Variants in CD5 observed in about 807,000 individuals in gnomAD.
CD5 encodes CD5 molecule.
A neutral mutation model predicts 60.3 loss-of-function variants in CD5; 36 were observed. That is an observed-to-expected ratio of 0.60 (90% CI 0.46 to 0.79). CD5 has a LOEUF of 0.79. Among genes scored for constraint, CD5 ranks in the 30% least tolerant of loss-of-function variants. The probability of loss-of-function intolerance (pLI) is 0.00; values close to 1 mark genes in which losing one functional copy is unlikely to be tolerated. For missense variants in CD5, 540 were observed against 630.6 expected (o/e 0.86, Z 1.54); for synonymous variants, 230 against 257.6 (o/e 0.89, Z 1.03).
intron 1 of CD5, among the ~76,000 whole-genome samples, chr11:61,106,762 G>C (rs942408787): frequency 6.6e-6 from 1 of 152,142 alleles, no homozygotes; most frequent in Non-Finnish European, 1.5e-5. Flanking sequence ...GGGAGCTTTG[G>C]AGCAATGCAG....
At chr11:61,121,983 A>C in intron 6 of CD5, 79 bp downstream of exon 6, 2 of 1,293,110 alleles carry the variant, frequency 1.5e-6, no homozygotes, top group Non-Finnish European at 2.1e-6. Flanking sequence ...CATGTCTCTA[A>C]AGGGAAGCCC....
At position 61,113,051 on chromosome 11, in the gene CD5, G is replaced by A. The variant is rs1409896191; in HGVS notation, c.56-2005G>A. ...AGCCTGCTGAGTAGCTGGGACTACG[G>A]CCTTGAGCCATTGGCCCAGCTAAAC... On this transcript the variant is annotated intron_variant, in intron 1 of 10. Coordinates refer to ENST00000347785, the MANE Select transcript of CD5 (RefSeq NM_014207.4). Among the ~76,000 whole-genome samples the A allele has an allele frequency of 5.3e-5, 8 of 152,324 alleles. No homozygotes were observed. The East Asian group carries it at 1.5e-3, about 29-fold the overall frequency.
At chr11:61,120,506 G>C (rs1861042214) in intron 5 of CD5, among the ~76,000 whole-genome samples, 1 of 152,174 alleles carries the variant, frequency 6.6e-6, no homozygotes, top group Non-Finnish European at 1.5e-5. Context: ...TGGGATTTCT[G>C]TTCAAGCAGG....
At chr11:61,095,669 C>T in the CD5 span, among the ~76,000 whole-genome samples, 3,321 of 152,028 alleles carry the variant, frequency 0.022, 46 homozygotes, top group Non-Finnish European at 0.036. Flanking sequence ...AGGACCTGAA[C>T]GAGGGACCAG....
intron 1 of CD5, among the ~76,000 whole-genome samples, chr11:61,111,531 C>T (rs1399828561): frequency 6.6e-6 from 1 of 152,190 alleles, no homozygotes; most frequent in African/African-American, 2.4e-5. Context: ...AATAGAGATG[C>T]TCCTTGACCT....
Position 61,115,783 on chromosome 11 carries a change from G to C in CD5, c.94+689G>C, listed in dbSNP as rs756144547. Among the ~76,000 whole-genome samples the C allele has an allele frequency of 5.9e-5, 9 of 152,322 alleles. No homozygotes were observed. The Middle Eastern group carries it at 0.014, about 230-fold the overall frequency. ...GGGAGAATTGTGGCTGAAGGGTCTT[G>C]AGATGCCACTGTGCAGCCAGAGGGG... On this transcript the variant is annotated intron_variant, in intron 2 of 10. Coordinates refer to ENST00000347785, the MANE Select transcript of CD5 (RefSeq NM_014207.4).
upstream of CD5, among the ~76,000 whole-genome samples, chr11:61,100,897 TCACA>T: frequency 9.3e-6 from 1 of 107,750 alleles, no homozygotes; most frequent in Non-Finnish European, 1.9e-5. Context: ...AACATGGAGA[TCACA>T]CACACATCAA....
intron 4 of CD5, 67 bp from the exon 5 acceptor site, chr11:61,119,167 A>C (rs1861012255): frequency 6.9e-7 from 1 of 1,442,582 alleles, no homozygotes; most frequent in African/African-American, 1.4e-5. Context: ...GGGGCCAAAC[A>C]GCAAGGAGTG....
upstream of CD5, chr11:61,102,480 T>C: frequency 6.8e-6 from 4 of 588,434 alleles, no homozygotes; most frequent in Admixed American, 2.7e-5. Flanking sequence ...CCTCTCCCTC[T>C]CTGAGAGCGA....
intron 2 of CD5, among the ~76,000 whole-genome samples, chr11:61,115,998 A>G (rs1379998911): frequency 1.3e-5 from 2 of 152,138 alleles, no homozygotes; most frequent in East Asian, 3.9e-4. Flanking sequence ...CACCCCACCA[A>G]TGTTAGGTGT....
At chr11:61,124,884 AG>A (rs2134613583) in intron 8 of CD5, 147 bp from the exon 9 acceptor site, 1 of 805,796 alleles carries the variant, frequency 1.2e-6, no homozygotes, top group African/African-American at 1.7e-5. Context: ...AAGAAAGGAG[AG>A]GGGGATGCAT....
Position 61,118,381 on chromosome 11 carries a change from C to A in CD5, c.301C>A (p.Pro101Thr), listed in dbSNP as rs759135823. The A allele has an allele frequency of 1.2e-6, 2 of 1,614,236 alleles. No homozygotes were observed. Among genetic ancestry groups the A allele is most frequent in the African/African-American group, 1.3e-5 (1 of 75,066 alleles). Residue 101 changes from proline to threonine, a missense_variant, in exon 3 of 11, where the codon CCT (proline) becomes ACT (threonine). Pro to Thr is a conservative substitution (Grantham distance 38). Coordinates refer to ENST00000347785, the MANE Select transcript of CD5 (RefSeq NM_014207.4). This position sits in a 1 kb window ranked among gnomAD's most constrained non-coding sequence, Gnocchi z 4.7. Reference sequence around the variant, plus strand: ...TGGCCCCTTCCTTGTCACCTACACACCTCAGAGCTCAATCATCTGCTACGG... The same window carrying A: ...TGGCCCCTTCCTTGTCACCTACACAACTCAGAGCTCAATCATCTGCTACGG... ...SLGPFLVTYT[P>T]QSSIICYGQL... is the part of the protein sequence containing the mutation.
At chr11:61,106,369 C>A (rs984555572) in intron 1 of CD5, among the ~76,000 whole-genome samples, 3 of 151,986 alleles carry the variant, frequency 2.0e-5, no homozygotes, top group African/African-American at 7.2e-5. Context: ...CCAGGCAGAG[C>A]GGATGGCAGG....
chr11:61,101,252 C>A (rs1412232817), upstream of CD5, among the ~76,000 whole-genome samples: 4 of 96,160 alleles, frequency 4.2e-5, no homozygotes, highest in Non-Finnish European at 4.1e-5. Context: ...TCACACACAT[C>A]AACATGGAGA....
In CD5 at chr11:61,118,448, A is replaced by G. The variant is rs755166874; in HGVS notation, c.368A>G (p.Asp123Gly). The change falls in exon 3 of 11, where the codon GAC becomes GGC. Residue 123 changes from aspartate (D) to glycine (G), a missense_variant. Transcript: ENST00000347785. The surrounding 1 kb of genome is among the most constrained non-coding windows in gnomAD (Gnocchi z 4.7). ...TCCAACTGCAGCCACAGCAGAAATG[A>G]CATGTGTCACTCTCTGGGCCTGACC... ...SFSNCSHSRN[D>G]MCHSLGLTCL... is the part of the protein sequence containing the mutation. 5.0e-6 allele frequency: 8 copies of G among 1,614,092 alleles called. No individual in the cohort carries two copies. In the Admixed American group the frequency reaches 1.3e-4, roughly 27 times the overall value.
upstream of CD5, among the ~76,000 whole-genome samples, chr11:61,100,825 TAC>T (rs1213517815): frequency 2.5e-4 from 19 of 74,800 alleles, no homozygotes; most frequent in African/African-American, 1.0e-3. Context: ...ACATGGAGAT[TAC>T]ACACACATCA....
chr11:61,119,226 T>C lies in CD5; in HGVS notation c.464-8T>C, dbSNP rs755678013. On this transcript the variant is annotated splice_polypyrimidine_tract_variant and splice_region_variant and intron_variant, in intron 4 of 10. Coordinates refer to ENST00000347785, the MANE Select transcript of CD5 (RefSeq NM_014207.4). ...GGTGGCTCCCCCTCCTGCTCTCTCCTCTCCTAGCTCCTCCCAGGCTGCAGC... is the reference window on the plus strand; with the variant it reads ...GGTGGCTCCCCCTCCTGCTCTCTCCCCTCCTAGCTCCTCCCAGGCTGCAGC... 1.2e-5 allele frequency: 19 copies of C among 1,579,430 alleles called. No homozygotes were observed. Among genetic ancestry groups the C allele is most frequent in the Non-Finnish European group, 1.6e-5 (19 of 1,162,970 alleles).
Position 61,114,084 on chromosome 11 carries a change from A to G in CD5, c.56-972A>G, listed in dbSNP as rs561399154. 2.6e-5 allele frequency among the ~76,000 whole-genome samples: 4 copies of G among 152,298 alleles called. No individual in the cohort carries two copies. In the South Asian group the frequency reaches 6.2e-4, roughly 24 times the overall value. ...CCAACACACAAAAAGTGATCAGTGCATTCTGACATTCTCTTTTTTATTTAT... is the reference window on the plus strand; with the variant it reads ...CCAACACACAAAAAGTGATCAGTGCGTTCTGACATTCTCTTTTTTATTTAT... On this transcript the variant is annotated intron_variant, in intron 1 of 10. Coordinates refer to ENST00000347785, the MANE Select transcript of CD5 (RefSeq NM_014207.4).
At chr11:61,116,021 G>A (rs369504051) in intron 2 of CD5, among the ~76,000 whole-genome samples, 16 of 152,270 alleles carry the variant, frequency 1.1e-4, no homozygotes, top group African/African-American at 4.8e-5. Context: ...AGACGCGCTC[G>A]TTCTCCCTCT....
Sources: allele counts gnomAD v4.1 joint callset (sites outside exome capture counted in the v4.1 genomes callset), GRCh38; gene constraint gnomAD v4.1.1; non-coding constraint Gnocchi (gnomAD v3.1); transcripts MANE v1.5; gene names NCBI Gene and HGNC (gene_info 2026-07-23, HGNC 2026-07-21).